The following SGCD variants were observed in gnomAD, a reference collection of about 807,000 sequenced individuals.
SGCD encodes delta-sarcoglycan.
A neutral mutation model predicts 36.6 loss-of-function variants in SGCD; 18 were observed. That is an observed-to-expected ratio of 0.49 (90% confidence interval 0.34 to 0.73). The LOEUF (loss-of-function observed/expected upper bound fraction) is 0.73. SGCD is among the 30% of genes least tolerant of loss of function. The pLI, the probability that SGCD is intolerant of heterozygous loss-of-function variation, is 0.01. For synonymous variants in SGCD, 133 were observed against 130.6 expected, an observed-to-expected ratio of 1.02 and a Z score of -0.12; for missense variants, 387 against 346.7, an observed-to-expected ratio of 1.12 and a Z score of -0.92.
At chr5:156,027,373 G>A (rs541375875) in intron 1 of SGCD, among the ~76,000 whole-genome samples, 71 of 152,158 alleles carry the variant, frequency 4.7e-4, no homozygotes, top group Non-Finnish European at 8.5e-4. Context: ...TGAATAATTG[G>A]AAGGGATTTC....
At chr5:156,575,190 T>C (rs996875056) in intron 4 of SGCD, among the ~76,000 whole-genome samples, 1 of 152,216 alleles carries the variant, frequency 6.6e-6, no homozygotes, top group African/African-American at 2.4e-5. Context: ...AAAGCGTATC[T>C]TAATCTTGGT....
At chr5:155,851,941 C>T in the SGCD span, among the ~76,000 whole-genome samples, 1 of 152,106 alleles carries the variant, frequency 6.6e-6, no homozygotes, top group East Asian at 1.9e-4. Flanking sequence ...TGTATCTGTC[C>T]TCAATTGACT....
At chr5:156,246,904 T>C (rs1054953624) in intron 3 of SGCD, among the ~76,000 whole-genome samples, 1 of 152,102 alleles carries the variant, frequency 6.6e-6, no homozygotes, top group African/African-American at 2.4e-5. Flanking sequence ...AACATGTAAT[T>C]AAGCTCCAGT....
Position 156,153,830 on chromosome 5 carries a change from G to A in SGCD, c.-44+29811G>A, listed in dbSNP as rs576631275. ...AGTGAAATGAATTCATGGTTACATC[G>A]TATGCATCAGTATTTTCAAAGCTCC... On this transcript the variant is annotated intron_variant, in intron 3 of 9. Transcript: ENST00000517913. 7.9e-4 allele frequency among the ~76,000 whole-genome samples: 120 copies of A among 151,644 alleles called. 4 individuals carry two copies. The highest frequency in any genetic ancestry group is 2.8e-3 in the African/African-American group (113 of 40,974).
intron 3 of SGCD, among the ~76,000 whole-genome samples, chr5:156,224,517 C>T (rs1581178465): frequency 6.6e-6 from 1 of 152,198 alleles, no homozygotes; most frequent in Middle Eastern, 3.4e-3. Context: ...AGATTTGTTT[C>T]CAAATTAGTT....
intron 6 of SGCD, among the ~76,000 whole-genome samples, chr5:156,643,254 A>G (rs1041861964): frequency 4.0e-5 from 6 of 151,494 alleles, no homozygotes; most frequent in Non-Finnish European, 7.4e-5. Flanking sequence ...CTGGTTTCGA[A>G]CTCCTGACCT....
At chr5:156,359,383 A>G (rs891550583) in intron 3 of SGCD, among the ~76,000 whole-genome samples, 1 of 152,212 alleles carries the variant, frequency 6.6e-6, no homozygotes, top group African/African-American at 2.4e-5. Context: ...ATTCTGTGCC[A>G]GGTGTGATAC....
chr5:156,108,698 T>C (rs1581103613), intron 1 of SGCD, among the ~76,000 whole-genome samples: 1 of 152,180 alleles, frequency 6.6e-6, no homozygotes, highest in East Asian at 1.9e-4. Flanking sequence ...TCAAATGTAC[T>C]GTTTTTTATT....
chr5:156,605,771 G>A (rs915472914), intron 6 of SGCD, among the ~76,000 whole-genome samples: 1 of 152,182 alleles, frequency 6.6e-6, no homozygotes, highest in South Asian at 2.1e-4. Flanking sequence ...TCTCATTGTG[G>A]TTTTGATTTG....
chr5:156,635,552 T>A (rs1762794336), intron 6 of SGCD, among the ~76,000 whole-genome samples: 1 of 152,134 alleles, frequency 6.6e-6, no homozygotes, highest in Admixed American at 6.5e-5. Context: ...CCCAAAGGAT[T>A]ATAAAACATA....
chr5:156,264,353 T>G lies in SGCD; in HGVS notation c.-43-65181T>G, dbSNP rs529659843. ...AAACTACTAGAAAGAAATGACAGAT[T>G]CCCTACAGAGAAACTAAATTGTCTG... is the stretch of plus-strand genomic sequence containing the variant. On this transcript the variant is annotated intron_variant, in intron 3 of 9. Coordinates refer to the SGCD transcript ENST00000517913. Among the ~76,000 whole-genome samples the G allele has an allele frequency of 3.9e-5, 6 of 152,212 alleles. No individual in the cohort carries two copies. In the East Asian group the frequency reaches 1.2e-3, roughly 29 times the overall value.
the SGCD span, among the ~76,000 whole-genome samples, chr5:155,825,228 A>T: frequency 1.3e-5 from 2 of 152,174 alleles, no homozygotes; most frequent in Non-Finnish European, 2.9e-5. Context: ...AATAAGGAGG[A>T]AAAAAAGAAA....
chr5:155,761,680 C>G, the SGCD span, among the ~76,000 whole-genome samples: 1 of 150,732 alleles, frequency 6.6e-6, no homozygotes, highest in Non-Finnish European at 1.5e-5. Context: ...ATCATCATCT[C>G]CATCATCCTC....
chr5:155,847,361 G>C, the SGCD span, among the ~76,000 whole-genome samples: 75 of 152,260 alleles, frequency 4.9e-4, no homozygotes, highest in Non-Finnish European at 9.7e-4. Context: ...TCTTGCTTTT[G>C]ATGCCAGCAT....
chr5:156,429,265 C>CTTTTT (rs3074973), intron 3 of SGCD, among the ~76,000 whole-genome samples: 15 of 123,794 alleles, frequency 1.2e-4, no homozygotes, highest in Admixed American at 2.5e-4. Context: ...CCCTCATTGT[C>CTTTTT]TTTTTTTTTT....
intron 3 of SGCD, among the ~76,000 whole-genome samples, chr5:156,476,021 G>A (rs1755162335): frequency 6.6e-6 from 1 of 152,308 alleles, no homozygotes; most frequent in Non-Finnish European, 1.5e-5. Flanking sequence ...GACTTGCCGT[G>A]GCTGAGGGTA....
chr5:156,482,826 T>TTTTG (rs1554107301), intron 3 of SGCD, among the ~76,000 whole-genome samples: 10 of 145,504 alleles, frequency 6.9e-5, no homozygotes, highest in South Asian at 4.6e-4. Context: ...TTTTTTTTTT[T>TTTTG]TTTTTTTTTT....
intron 1 of SGCD, among the ~76,000 whole-genome samples, chr5:155,940,854 A>AAACAACAAC (rs143386038): frequency 3.5e-5 from 4 of 112,830 alleles, no homozygotes; most frequent in Non-Finnish European, 7.3e-5. Context: ...CAAAACAAAC[A>AAACAACAAC]AACAACAACA....
chr5:156,144,513 TC>T (rs1193803110), intron 3 of SGCD, among the ~76,000 whole-genome samples: 2 of 152,210 alleles, frequency 1.3e-5, no homozygotes, highest in African/African-American at 4.8e-5. Flanking sequence ...TTTTCATGTG[TC>T]TTTTGGCTGC....
Sources: gnomAD v4.1 joint callset for allele counts (sites outside exome capture counted in the v4.1 genomes callset) on GRCh38, gnomAD v4.1.1 for gene constraint, MANE v1.5 for transcripts, NCBI Gene and HGNC (gene_info 2026-07-23, HGNC 2026-07-21) for gene names.